The following ZNFX1 variants were observed in gnomAD, a reference collection of about 807,000 sequenced individuals.
The protein encoded by ZNFX1 is zinc finger NFX1-type containing 1.
ZNFX1 carries 78 observed loss-of-function variants against 179.8 expected under a neutral mutation model. That is an observed-to-expected ratio of 0.43 (90% confidence interval 0.36 to 0.52). The LOEUF (loss-of-function observed/expected upper bound fraction) is 0.52. Among genes scored for constraint, ZNFX1 ranks in the 20% least tolerant of loss-of-function variants. The pLI is 0.00. For synonymous variants in ZNFX1, 848 were observed against 868.5 expected (o/e 0.98, Z 0.42); for missense variants, 1,927 against 2,386.6 (o/e 0.81, Z 4.01).
At chr20:49,277,678 G>A (rs1298690209) in intron 1 of ZNFX1, among the ~76,000 whole-genome samples, 1 of 151,646 alleles carries the variant, frequency 6.6e-6, no homozygotes, top group Non-Finnish European at 1.5e-5. Context: ...GCGACGGGGC[G>A]CTGAGATGGG....
chr20:49,251,361 C>T (rs1014203837), intron 13 of ZNFX1, among the ~76,000 whole-genome samples, 166 bp downstream of exon 13: 6 of 151,412 alleles, frequency 4.0e-5, no homozygotes, highest in African/African-American at 7.3e-5. Flanking sequence ...AGGCTGGTCT[C>T]GAACTCTGAC....
intron 2 of ZNFX1, among the ~76,000 whole-genome samples, chr20:49,272,524 T>C (rs1981441118): frequency 6.6e-6 from 1 of 152,204 alleles, no homozygotes; most frequent in Non-Finnish European, 1.5e-5. Context: ...GTGCTTAGTA[T>C]AGTACTGGAC....
intron 3 of ZNFX1, among the ~76,000 whole-genome samples, chr20:49,267,433 G>A (rs1370268613): frequency 2.6e-5 from 4 of 151,482 alleles, no homozygotes; most frequent in Admixed American, 1.3e-4. Context: ...CCAAGTACTT[G>A]GTACTACAGG....
Position 49,271,136 on chromosome 20 carries a change from C to T in ZNFX1, c.676G>A (p.Val226Ile), listed in dbSNP as rs761729698. The T allele has an allele frequency of 1.2e-5, 19 of 1,613,988 alleles. No homozygotes were observed. In the Admixed American group the frequency reaches 2.5e-4, roughly 21 times the overall value. ...GGGATGGGTTCAGTGATCATCCCTA[C>T]CACATAAGCAGGCAGGCAGACTTTG... is the stretch of plus-strand genomic sequence containing the variant. ...FLKVCLPAYVVGMITEPIPDI... is the reference protein window; with the variant it reads ...FLKVCLPAYVIGMITEPIPDI... Residue 226 changes from valine (V) to isoleucine (I), a missense_variant, in exon 3 of 14, where the codon GTA becomes ATA. Physicochemically the swap from Val to Ile is conservative, Grantham distance 29. Transcript: ENST00000396105.
At chr20:49,258,716 G>A (rs1224932517) in intron 7 of ZNFX1, among the ~76,000 whole-genome samples, 1 of 152,116 alleles carries the variant, frequency 6.6e-6, no homozygotes, top group African/African-American at 2.4e-5. Flanking sequence ...TGAGGCAGGA[G>A]AATCACTTGA....
intron 6 of ZNFX1, among the ~76,000 whole-genome samples, chr20:49,262,407 C>CAA (rs553327409): frequency 3.5e-5 from 3 of 84,678 alleles, no homozygotes; most frequent in Admixed American, 1.3e-4. Flanking sequence ...AACTCTGTCT[C>CAA]AAAAAAAAAA....
At chr20:49,251,444 G>T in intron 13 of ZNFX1, 83 bp downstream of exon 13, 1 of 1,369,212 alleles carries the variant, frequency 7.3e-7, no homozygotes, top group East Asian at 2.6e-5. Flanking sequence ...CCTGGCCGCT[G>T]AAAAGCTTTT....
Position 49,249,686 on chromosome 20 carries a change from A to G in ZNFX1, c.3338T>C (p.Val1113Ala). The change falls in exon 14 of 14, where the codon GTA (valine) becomes GCA (alanine). Residue 1113 changes from valine to alanine, a missense_variant. By Grantham distance (64) the Val-to-Ala change is moderately conservative (BLOSUM62 0). Coordinates refer to ENST00000396105, the MANE Select transcript of ZNFX1 (RefSeq NM_021035.3). ...IKGVSSNLFF[V>A]EHNFPEQEIQ... Reference sequence around the variant, plus strand: ...TTCCTGTTCAGGAAAGTTGTGTTCTACAAAGAAAAGGTTGGAAGACACCCC... The same window carrying G: ...TTCCTGTTCAGGAAAGTTGTGTTCTGCAAAGAAAAGGTTGGAAGACACCCC... The G allele has an allele frequency of 6.2e-7, 1 of 1,612,806 alleles. No homozygotes were observed. Among genetic ancestry groups the G allele is most frequent in the Non-Finnish European group, 8.5e-7 (1 of 1,178,906 alleles).
At chr20:49,266,045 T>C (rs1262916459) in intron 4 of ZNFX1, 90 bp downstream of exon 4, 1 of 1,461,132 alleles carries the variant, frequency 6.8e-7, no homozygotes, top group Non-Finnish European at 9.4e-7. Context: ...ACTGTTGACT[T>C]TGTTTGAAGA....
intron 4 of ZNFX1, among the ~76,000 whole-genome samples, 196 bp from the exon 5 acceptor site, chr20:49,265,060 A>G (rs238176): frequency 0.67 from 101,793 of 152,006 alleles, 35,022 homozygotes; most frequent in Non-Finnish European, 0.76. Flanking sequence ...TAGCACTTAA[A>G]GAGTACAGGT....
intron 5 of ZNFX1, 97 bp downstream of exon 5, chr20:49,264,618 GC>G (rs1299190488): frequency 6.2e-6 from 9 of 1,463,162 alleles, no homozygotes; most frequent in Non-Finnish European, 8.4e-6. Context: ...GCTTTGAGGA[GC>G]CTCCAAATCT....
chr20:49,271,655 G>A lies in ZNFX1; in HGVS notation c.157C>T (p.His53Tyr). 4 of 1,613,898 alleles carry A rather than the reference G, an allele frequency of 2.5e-6. No individual in the cohort carries two copies. The East Asian group carries it at 6.7e-5, about 27-fold the overall frequency. ...GCAGGATGGTTGTTGGCCCTAGGAT[G>A]CCTTCCAGGGTGGCTGGCTCCTCCT... Reference protein sequence around the residue: ...LRGGASHPGRHPRANNHPAAY... With the variant: ...LRGGASHPGRYPRANNHPAAY... Residue 53 changes from histidine (H) to tyrosine (Y), a missense_variant, in exon 3 of 14, where the codon CAT becomes TAT. Transcript: ENST00000396105.
Position 49,248,217 on chromosome 20 carries a change from A to G in ZNFX1, c.4807T>C (p.Tyr1603His), listed in dbSNP as rs755593015. 1.5e-5 allele frequency: 25 copies of G among 1,613,974 alleles called. No homozygotes were observed. Among genetic ancestry groups the G allele is most frequent in the South Asian group, 4.4e-5 (4 of 91,078 alleles). Residue 1603 changes from tyrosine (Y) to histidine (H), a missense_variant, in exon 14 of 14, where the codon TAC becomes CAC. Physicochemically the swap from Tyr to His is moderately conservative, Grantham distance 83. Coordinates refer to ENST00000396105, the MANE Select transcript of ZNFX1 (RefSeq NM_021035.3). This position sits in a 1 kb window ranked among gnomAD's most constrained non-coding sequence, Gnocchi z 4.6. The stretch of plus-strand genomic sequence containing the variant: ...TCATCATCCTTCTGTTCATTCATGT[A>G]GCGGTCTAGGGCTTGCACCTCAAAG... ...HIFEVQALDR[Y>H]MNEQKDDEVA...
At chr20:49,261,106 C>A (rs1236245091) in intron 6 of ZNFX1, among the ~76,000 whole-genome samples, 8 of 151,954 alleles carry the variant, frequency 5.3e-5, no homozygotes, top group Admixed American at 4.6e-4. Context: ...TGATGGCATG[C>A]ACATATAATC....
chr20:49,266,084 G>A (rs750648260), intron 4 of ZNFX1, 51 bp downstream of exon 4: 13 of 1,583,886 alleles, frequency 8.2e-6, no homozygotes, highest in Non-Finnish European at 1.1e-5. Context: ...AGTTGCTGAT[G>A]GTTCAATCAT....
At chr20:49,249,945 T>C (rs1980796976) in intron 13 of ZNFX1, among the ~76,000 whole-genome samples, 1 of 152,178 alleles carries the variant, frequency 6.6e-6, no homozygotes, top group South Asian at 2.1e-4. Flanking sequence ...TTCAAGATAC[T>C]TGTTTGATGT....
intron 11 of ZNFX1, 40 bp downstream of exon 11, chr20:49,253,626 C>A (rs759377113): frequency 1.2e-6 from 2 of 1,611,946 alleles, no homozygotes; most frequent in African/African-American, 1.3e-5. Context: ...CTCACCCCCA[C>A]GGAGAGCCAG....
At chr20:49,267,060 C>A (rs570357634) in intron 3 of ZNFX1, among the ~76,000 whole-genome samples, 1 of 152,248 alleles carries the variant, frequency 6.6e-6, no homozygotes, top group South Asian at 2.1e-4. Flanking sequence ...CCATGCCCAG[C>A]TAATTTTTGT....
chr20:49,270,705 C>A lies in ZNFX1; in HGVS notation c.1107G>T (p.Leu369=). ...SGKYDSTAIY[L]DTHFRLLRED... ...CTCGCAGGAGCCGGAAGTGGGTATC[C>A]AGATAGATAGCAGTGCTGTCGTATT... Residue 369 remains leucine (L), a synonymous_variant, in exon 3 of 14, where the codon CTG becomes CTT. Transcript: ENST00000396105. This position sits in a 1 kb window ranked among gnomAD's most constrained non-coding sequence, Gnocchi z 4.6. 1 of 1,614,112 alleles carries A rather than the reference C, an allele frequency of 6.2e-7. No individual in the cohort carries two copies. The highest frequency in any genetic ancestry group is 8.5e-7 in the Non-Finnish European group (1 of 1,180,034).
Sources: allele counts gnomAD v4.1 joint callset (sites outside exome capture counted in the v4.1 genomes callset), GRCh38; gene constraint gnomAD v4.1.1; non-coding constraint Gnocchi (gnomAD v3.1); transcripts MANE v1.5; gene names NCBI Gene and HGNC (gene_info 2026-07-23, HGNC 2026-07-21).